The following CARMIL1 variants were observed in gnomAD, a reference collection of about 807,000 sequenced individuals.
The protein encoded by CARMIL1 is F-actin-uncapping protein LRRC16A.
In CARMIL1, 90 loss-of-function variants were observed where a neutral mutation model predicts 177.1. The observed-to-expected ratio is 0.51, with a 90% CI of 0.43 to 0.61. CARMIL1 has a LOEUF of 0.61. Among genes scored for constraint, CARMIL1 ranks in the 20% least tolerant of loss-of-function variants. CARMIL1 has a pLI of 0.00. For missense variants in CARMIL1, 1,380 were observed against 1,667.0 expected (o/e 0.83, Z 3.00); for synonymous variants, 577 against 606.2 (o/e 0.95, Z 0.71).
At chr6:25,455,916 C>A (rs1799479420) in intron 8 of CARMIL1, among the ~76,000 whole-genome samples, 1 of 152,198 alleles carries the variant, frequency 6.6e-6, no homozygotes, top group Admixed American at 6.5e-5. Context: ...GAACCCATCA[C>A]CACACGTGAG....
chr6:25,605,148 T>A (rs1815829692), intron 34 of CARMIL1, among the ~76,000 whole-genome samples: 1 of 152,144 alleles, frequency 6.6e-6, no homozygotes, highest in Non-Finnish European at 1.5e-5. Flanking sequence ...TTCTGACTGT[T>A]TTTTCATTGC....
chr6:25,398,912 G>A (rs940823842), intron 2 of CARMIL1, among the ~76,000 whole-genome samples: 26 of 152,196 alleles, frequency 1.7e-4, no homozygotes, highest in Admixed American at 1.6e-3. Context: ...GTTGGGACAA[G>A]TTAAATTGTT....
intron 2 of CARMIL1, among the ~76,000 whole-genome samples, chr6:25,356,581 C>A (rs1039470252): frequency 6.6e-6 from 1 of 152,166 alleles, no homozygotes; most frequent in African/African-American, 2.4e-5. Context: ...AGTACAAGGT[C>A]CCAGCACGGA....
chr6:25,340,777 GTTTTTTTTTTTTT>G lies in CARMIL1; in HGVS notation c.138+55883_138+55895del, dbSNP rs34928775. On this transcript the variant is annotated intron_variant, in intron 2 of 36. Coordinates refer to ENST00000329474, the MANE Select transcript of CARMIL1 (RefSeq NM_017640.6). ...AAGCTGGAGAAGGCTGTCAATGAAG[GTTTTTTTTTTTTT>G]TTTTTTTTTTTTTTAAGTCGTGTAA... Among the ~76,000 whole-genome samples, 8 of 86,160 alleles carry G rather than the reference GTTTTTTTTTTTTT, an allele frequency of 9.3e-5. 1 individual carries two copies. In the East Asian group the frequency reaches 2.9e-3, roughly 31 times the overall value. 56.5% of individuals were successfully genotyped at this position (86,160 alleles called of 152,430 possible).
chr6:25,450,977 C>T (rs1266889188), intron 8 of CARMIL1, among the ~76,000 whole-genome samples: 284 of 4,680 alleles, frequency 0.061, 29 homozygotes, highest in East Asian at 0.6. Context: ...TTCTCTTCTC[C>T]TCTCCCCCTC....
At chr6:25,429,418 T>C (rs1219972868) in intron 4 of CARMIL1, among the ~76,000 whole-genome samples, 1 of 152,164 alleles carries the variant, frequency 6.6e-6, no homozygotes, top group African/African-American at 2.4e-5. Context: ...GCAGCATCAA[T>C]GAAACATCTA....
intron 12 of CARMIL1, among the ~76,000 whole-genome samples, chr6:25,486,007 G>A (rs1287084614): frequency 6.6e-6 from 1 of 151,134 alleles, no homozygotes; most frequent in Non-Finnish European, 1.5e-5. Flanking sequence ...TCATATGTTA[G>A]CTAACTGATA....
intron 2 of CARMIL1, among the ~76,000 whole-genome samples, chr6:25,321,760 A>AC: frequency 6.6e-6 from 1 of 151,382 alleles, no homozygotes; most frequent in East Asian, 1.9e-4. Flanking sequence ...CTGGGTTCAC[A>AC]CCATTCTCCT....
At chr6:25,291,425 A>G (rs1438974904) in intron 2 of CARMIL1, among the ~76,000 whole-genome samples, 4 of 152,166 alleles carry the variant, frequency 2.6e-5, no homozygotes, top group African/African-American at 7.2e-5. Context: ...ATTCTGCAAT[A>G]TGGAAACTAT....
At chr6:25,311,902 A>G (rs1783851943) in intron 2 of CARMIL1, among the ~76,000 whole-genome samples, 1 of 152,234 alleles carries the variant, frequency 6.6e-6, no homozygotes, top group Non-Finnish European at 1.5e-5. Context: ...ATTTTGTCTC[A>G]GGAGGCATTA....
intron 3 of CARMIL1, 75 bp downstream of exon 3, chr6:25,420,239 CT>C: frequency 7.5e-7 from 1 of 1,332,266 alleles, no homozygotes. Flanking sequence ...CTCATGCATT[CT>C]TACATGTGTG....
chr6:25,583,963 G>T (rs1451447014), intron 31 of CARMIL1, among the ~76,000 whole-genome samples: 1 of 149,908 alleles, frequency 6.7e-6, no homozygotes, highest in Non-Finnish European at 1.5e-5. Context: ...GTTTATCCTT[G>T]ATAAAACTGG....
At chr6:25,376,572 T>C (rs1429068230) in intron 2 of CARMIL1, among the ~76,000 whole-genome samples, 1 of 152,244 alleles carries the variant, frequency 6.6e-6, no homozygotes, top group Non-Finnish European at 1.5e-5. Context: ...ATAGAGAGTC[T>C]TTGTATGACA....
intron 2 of CARMIL1, among the ~76,000 whole-genome samples, chr6:25,306,552 C>G (rs1329839110): frequency 6.6e-6 from 1 of 152,146 alleles, no homozygotes; most frequent in Non-Finnish European, 1.5e-5. Flanking sequence ...TTGGTGCCAA[C>G]AAGGTTGGGG....
In CARMIL1 at chr6:25,515,602, C is replaced by T; in HGVS notation, c.1633-73C>T. 1 of 1,413,884 alleles carries T rather than the reference C, an allele frequency of 7.1e-7. No individual in the cohort carries two copies. The highest frequency in any genetic ancestry group is 1.4e-5 in the South Asian group (1 of 70,450). 87.6% of individuals were successfully genotyped at this position (1,413,884 alleles called of 1,614,324 possible). A position where few individuals can be genotyped will look rare whatever the true frequency, so the allele number is the denominator to read the frequency against. Reference sequence around the variant, plus strand: ...AGTAGGTCCATCCCCTCTCATTCTCCACGAAATGCGTCGTGGAGAGTGGGT... The same window carrying T: ...AGTAGGTCCATCCCCTCTCATTCTCTACGAAATGCGTCGTGGAGAGTGGGT... On this transcript the variant is annotated intron_variant, in intron 20 of 36. Coordinates refer to ENST00000329474, the MANE Select transcript of CARMIL1 (RefSeq NM_017640.6). The surrounding 1 kb of genome is among the most constrained non-coding windows in gnomAD (Gnocchi z 5.0).
chr6:25,321,652 TATTA>T (rs1784679646), intron 2 of CARMIL1, among the ~76,000 whole-genome samples: 1 of 149,560 alleles, frequency 6.7e-6, no homozygotes, highest in African/African-American at 2.5e-5. Context: ...TTCACTTATT[TATTA>T]ATTTAATTTA....
chr6:25,467,776 A>G (rs1166493049), intron 9 of CARMIL1, among the ~76,000 whole-genome samples: 1 of 152,214 alleles, frequency 6.6e-6, no homozygotes, highest in African/African-American at 2.4e-5. Flanking sequence ...ATTTAAACAC[A>G]AAAATACAGT....
intron 27 of CARMIL1, among the ~76,000 whole-genome samples, chr6:25,553,072 C>G (rs1298379363): frequency 6.6e-6 from 1 of 152,088 alleles, no homozygotes; most frequent in Admixed American, 6.6e-5. Context: ...ACTAGTACTT[C>G]TATTCAGAAA....
chr6:25,498,049 T>G (rs895511674), intron 16 of CARMIL1, among the ~76,000 whole-genome samples: 1 of 152,146 alleles, frequency 6.6e-6, no homozygotes, highest in African/African-American at 2.4e-5. Flanking sequence ...TCACTCAGAG[T>G]GCAGTGTGAG....
Sources: allele counts gnomAD v4.1 joint callset (sites outside exome capture counted in the v4.1 genomes callset), GRCh38; gene constraint gnomAD v4.1.1; non-coding constraint Gnocchi (gnomAD v3.1); transcripts MANE v1.5; gene names NCBI Gene and HGNC (gene_info 2026-07-23, HGNC 2026-07-21).